SLC4A5: variants seen among roughly 807,000 people sequenced by gnomAD.
The protein encoded by SLC4A5 is solute carrier family 4 member 5.
SLC4A5 carries 96 observed loss-of-function variants against 120.4 expected under a neutral mutation model. The observed-to-expected ratio is 0.80, with a 90% CI of 0.68 to 0.94. The LOEUF is 0.94. Among genes scored for constraint, SLC4A5 ranks in the 40% least tolerant of loss-of-function variants. SLC4A5 has a pLI of 0.00. For missense variants in SLC4A5, 1,259 were observed against 1,459.5 expected (o/e 0.86, Z 2.24); for synonymous variants, 550 against 571.1 (o/e 0.96, Z 0.53).
Position 74,315,026 on chromosome 2 carries a change from C to T in SLC4A5, c.-2-1G>A. The stretch of plus-strand genomic sequence containing the variant: ...GCCTTCTCCTCCTTCACCTTCATGA[C>T]TATAAAGTAAAAGGAACACAGCCTC... On this transcript the variant is annotated splice_acceptor_variant, in intron 5 of 30. Coordinates refer to ENST00000394019, the Ensembl canonical transcript of SLC4A5. LOFTEE classifies it low-confidence loss of function (5UTR_SPLICE). 1 of 1,612,818 alleles carries T rather than the reference C, an allele frequency of 6.2e-7. No individual in the cohort carries two copies.
intron 6 of SLC4A5, among the ~76,000 whole-genome samples, chr2:74,309,562 C>G (rs1573088759): frequency 6.6e-6 from 1 of 152,040 alleles, no homozygotes; most frequent in Non-Finnish European, 1.5e-5. Context: ...AAAAAAATAA[C>G]TTGCTAAGAT....
At chr2:74,247,494 G>A (rs985408730) in intron 18 of SLC4A5, among the ~76,000 whole-genome samples, 187 bp from the exon 19 acceptor site, 1 of 152,098 alleles carries the variant, frequency 6.6e-6, no homozygotes, top group Non-Finnish European at 1.5e-5. Context: ...TTTCATGGGG[G>A]TCCAGTGTTC....
At chr2:74,219,176 GGTGTGTGTGTGTGTGTGT>G (rs58141033) in intron 30 of SLC4A5, among the ~76,000 whole-genome samples, 27 of 134,342 alleles carry the variant, frequency 2.0e-4, no homozygotes, top group South Asian at 5.0e-4. Flanking sequence ...GCTCTTTGGA[GGTGTGTGTGTGTGTGTGT>G]GTGTGTGTGT....
At position 74,265,096 on chromosome 2, in the gene SLC4A5, T is replaced by C; in HGVS notation, c.562+8A>G. ...CAGGAGAGATGCACACAGTGGCCCC[T>C]GCCTCACCTATGATCTGTGGTAAGG... On this transcript the variant is annotated splice_region_variant and intron_variant, in intron 9 of 30. Transcript: ENST00000394019. 6.2e-7 allele frequency: 1 copy of C among 1,611,076 alleles called. No individual in the cohort carries two copies. Among genetic ancestry groups the C allele is most frequent in the Non-Finnish European group, 8.5e-7 (1 of 1,177,984 alleles).
chr2:74,274,070 T>C (rs974248006), intron 8 of SLC4A5, among the ~76,000 whole-genome samples: 6 of 152,246 alleles, frequency 3.9e-5, no homozygotes, highest in African/African-American at 1.2e-4. Flanking sequence ...AGCCAAGCAC[T>C]ATGCTAAGCA....
chr2:74,331,775 C>G (rs1425707032), intron 4 of SLC4A5, among the ~76,000 whole-genome samples: 1 of 152,078 alleles, frequency 6.6e-6, no homozygotes, highest in African/African-American at 2.4e-5. Flanking sequence ...GAGAAAAGTA[C>G]TCTCCACTTA....
chr2:74,266,230 T>TCC (rs1160844943), intron 8 of SLC4A5, among the ~76,000 whole-genome samples: 8 of 152,160 alleles, frequency 5.3e-5, no homozygotes, highest in Non-Finnish European at 1.0e-4. Flanking sequence ...AAGGGATCAG[T>TCC]GGCACAAGAG....
intron 21 of SLC4A5, 113 bp downstream of exon 21, chr2:74,239,222 C>G: frequency 1.0e-6 from 1 of 959,394 alleles, no homozygotes; most frequent in East Asian, 2.4e-5. Flanking sequence ...TTGAAAAACC[C>G]CAGTGGGCCA....
rs112351274 is a variant in SLC4A5 at position 74,291,657 on chromosome 2, C to G, written c.272-5755G>C. ...CATTTTATTATTTTATTTTTAGAGA[C>G]AGGGTCTTGCTATGTTTTGCAAGGC... is the stretch of plus-strand genomic sequence containing the variant. On this transcript the variant is annotated intron_variant, in intron 7 of 30. Transcript: ENST00000394019. Among the ~76,000 whole-genome samples the G allele has an allele frequency of 1.0e-2, 1,518 of 152,304 alleles. 19 individuals carry two copies. The highest frequency in any genetic ancestry group is 0.034 in the African/African-American group (1,402 of 41,574).
exon 18 of SLC4A5, chr2:74,248,486 C>T: frequency 2.5e-6 from 4 of 1,613,904 alleles, no homozygotes; most frequent in Non-Finnish European, 3.4e-6. Flanking sequence ...TCCATCACTC[C>T]CTGGGGGCAC....
exon 18 of SLC4A5, chr2:74,248,390 T>C (rs1320752576): frequency 1.2e-6 from 2 of 1,614,020 alleles, no homozygotes; most frequent in Non-Finnish European, 1.7e-6. Context: ...AAGATGAGGA[T>C]GGGCCCCGTG....
intron 21 of SLC4A5, among the ~76,000 whole-genome samples, chr2:74,238,000 G>A (rs1266945103): frequency 6.6e-6 from 1 of 152,104 alleles, no homozygotes; most frequent in Non-Finnish European, 1.5e-5. Flanking sequence ...TATTTGGGAG[G>A]CTGAGGCAGG....
At chr2:74,224,767 C>T (rs1694781861) in intron 28 of SLC4A5, 73 bp downstream of exon 28, 1 of 1,559,348 alleles carries the variant, frequency 6.4e-7, no homozygotes. Flanking sequence ...GCCGCCCTCT[C>T]CCTGTCCCTG....
At chr2:74,247,415 G>T in intron 18 of SLC4A5, 108 bp from the exon 19 acceptor site, 1 of 1,188,180 alleles carries the variant, frequency 8.4e-7, no homozygotes, top group Non-Finnish European at 1.2e-6. Context: ...TGGCACTGAT[G>T]CCCTCCCAGG....
intron 12 of SLC4A5, among the ~76,000 whole-genome samples, chr2:74,257,735 G>A (rs1157593031): frequency 4.6e-5 from 7 of 151,884 alleles, no homozygotes; most frequent in African/African-American, 1.7e-4. Flanking sequence ...GTGCCACCAC[G>A]CCCGGCTAAT....
intron 10 of SLC4A5, 46 bp from the exon 11 acceptor site, chr2:74,262,278 T>G: frequency 6.4e-7 from 1 of 1,552,022 alleles, no homozygotes; most frequent in South Asian, 1.1e-5. Flanking sequence ...GCCTTGCTGG[T>G]GTAGCGAAGC....
chr2:74,299,318 T>TC (rs542769848), intron 7 of SLC4A5, among the ~76,000 whole-genome samples: 473 of 152,294 alleles, frequency 3.1e-3, no homozygotes, highest in African/African-American at 0.011. Context: ...GCCATTGCAC[T>TC]CCATCCTGGG....
chr2:74,320,650 G>A (rs1432003999), intron 5 of SLC4A5, among the ~76,000 whole-genome samples: 1 of 152,042 alleles, frequency 6.6e-6, no homozygotes, highest in Non-Finnish European at 1.5e-5. Flanking sequence ...GTGACTGAAG[G>A]AGGAACTCTA....
At chr2:74,226,914 G>A (rs375550304) in intron 27 of SLC4A5, 43 bp downstream of exon 27, 6 of 1,595,160 alleles carry the variant, frequency 3.8e-6, no homozygotes, top group Non-Finnish European at 4.3e-6. Flanking sequence ...GGTTGCCCAG[G>A]CCAACCTGCC....
Sources: allele counts gnomAD v4.1 joint callset (sites outside exome capture counted in the v4.1 genomes callset), GRCh38; gene constraint gnomAD v4.1.1; transcripts MANE v1.5; gene names NCBI Gene and HGNC (gene_info 2026-07-23, HGNC 2026-07-21).